Variants in EBF2 observed in about 807,000 individuals in gnomAD.
EBF2 encodes the protein transcription factor COE2.
Under a neutral mutation model 72.8 loss-of-function variants are expected in EBF2, and 21 were observed. That is an observed-to-expected ratio of 0.29 (90% CI 0.20 to 0.42). The LOEUF (loss-of-function observed/expected upper bound fraction) is 0.42. Among genes scored for constraint, EBF2 ranks in the 10% least tolerant of loss-of-function variants. EBF2 has a pLI of 1.00. For missense variants in EBF2, 637 were observed against 731.2 expected (o/e 0.87, Z 1.49); for synonymous variants, 299 against 274.2 (o/e 1.09, Z -0.89).
At chr8:25,903,383 T>TAGACAGGGGAGGAATAA (rs1451771499) in intron 7 of EBF2, among the ~76,000 whole-genome samples, 3 of 151,952 alleles carry the variant, frequency 2.0e-5, no homozygotes, top group African/African-American at 4.8e-5. Flanking sequence ...GAGGACGGGT[T>TAGACAGGGGAGGAATAA]AGACAGGGGA....
intron 6 of EBF2, among the ~76,000 whole-genome samples, chr8:25,940,853 T>C (rs1195948563): frequency 6.6e-6 from 1 of 152,086 alleles, no homozygotes; most frequent in Non-Finnish European, 1.5e-5. Flanking sequence ...AATATGTATA[T>C]ACAGAGACAG....
At chr8:26,043,364 T>C (rs1236686449) in intron 1 of EBF2, among the ~76,000 whole-genome samples, 2 of 152,248 alleles carry the variant, frequency 1.3e-5, no homozygotes, top group African/African-American at 4.8e-5. Context: ...CCACTAAGTC[T>C]GCTCCTTCCA....
chr8:25,849,286 C>T (rs1276110654), intron 15 of EBF2, among the ~76,000 whole-genome samples: 2 of 152,190 alleles, frequency 1.3e-5, no homozygotes, highest in African/African-American at 2.4e-5. Context: ...CCAGAAGACA[C>T]CATCATCTCC....
At chr8:25,954,305 C>A (rs530694818) in intron 6 of EBF2, among the ~76,000 whole-genome samples, 18 of 152,138 alleles carry the variant, frequency 1.2e-4, no homozygotes, top group Non-Finnish European at 2.4e-4. Context: ...GAGGGCTGCC[C>A]GTTGGTGGCT....
intron 10 of EBF2, among the ~76,000 whole-genome samples, chr8:25,864,528 AT>A: frequency 6.6e-6 from 1 of 151,868 alleles, no homozygotes; most frequent in South Asian, 2.1e-4. Context: ...ACACACACAA[AT>A]GTATATGTAC....
intron 10 of EBF2, among the ~76,000 whole-genome samples, chr8:25,870,589 G>A (rs1802419480): frequency 6.6e-6 from 1 of 152,090 alleles, no homozygotes; most frequent in South Asian, 2.1e-4. Context: ...GAGGTGGGAT[G>A]GAGATGAGTT....
At chr8:26,041,080 A>C in intron 2 of EBF2, 78 bp from the exon 3 acceptor site, 1 of 1,509,056 alleles carries the variant, frequency 6.6e-7, no homozygotes, top group Non-Finnish European at 9.1e-7. Flanking sequence ...GTGAATCCCC[A>C]CCTCACATCC....
chr8:25,881,000 G>A (rs567157086), intron 10 of EBF2, among the ~76,000 whole-genome samples: 4 of 151,952 alleles, frequency 2.6e-5, no homozygotes, highest in African/African-American at 9.7e-5. Flanking sequence ...CAATCATCAA[G>A]TTGTGTCAAT....
intron 6 of EBF2, among the ~76,000 whole-genome samples, chr8:26,011,113 T>C (rs1237616871): frequency 6.6e-6 from 1 of 152,194 alleles, no homozygotes; most frequent in Non-Finnish European, 1.5e-5. Context: ...AGCTTAGCAC[T>C]TTATGGATAA....
intron 6 of EBF2, among the ~76,000 whole-genome samples, chr8:26,012,813 C>A (rs1805047689): frequency 6.6e-6 from 1 of 152,196 alleles, no homozygotes. Context: ...CAGCCCCATA[C>A]CGTTGACCTT....
chr8:25,898,775 AT>A (rs1224603585), intron 7 of EBF2, among the ~76,000 whole-genome samples: 1 of 152,180 alleles, frequency 6.6e-6, no homozygotes, highest in Non-Finnish European at 1.5e-5. Context: ...CCTGTGGCCT[AT>A]CAAAAATCAG....
intron 6 of EBF2, among the ~76,000 whole-genome samples, chr8:26,010,189 C>T (rs982336691): frequency 6.6e-6 from 1 of 152,082 alleles, no homozygotes; most frequent in African/African-American, 2.4e-5. Flanking sequence ...ATTGTCTGGC[C>T]GTGGCATTTT....
At position 25,932,055 on chromosome 8, in the gene EBF2, T is replaced by C. The variant is rs140093933; in HGVS notation, c.552-23500A>G. ...ATCTGGGTGAGGCTTCCCTGCTCTG[T>C]CTTCTGCCATATTGAGAAGCCACCA... On this transcript the variant is annotated intron_variant, in intron 6 of 15. Coordinates refer to ENST00000520164, the MANE Select transcript of EBF2 (RefSeq NM_022659.4). 6.9e-3 allele frequency among the ~76,000 whole-genome samples: 1,051 copies of C among 152,240 alleles called. 3 individuals carry two copies. The highest frequency in any genetic ancestry group is 0.011 in the Non-Finnish European group (765 of 68,012).
intron 6 of EBF2, among the ~76,000 whole-genome samples, chr8:25,914,819 C>G (rs760926665): frequency 1.1e-4 from 17 of 152,142 alleles, no homozygotes; most frequent in Non-Finnish European, 1.9e-4. Flanking sequence ...AACACATGAA[C>G]AGAAGAGGTA....
chr8:25,925,966 T>C (rs1803379504), intron 6 of EBF2, among the ~76,000 whole-genome samples: 2 of 152,178 alleles, frequency 1.3e-5, no homozygotes, highest in Admixed American at 1.3e-4. Context: ...GTGCGACTGA[T>C]ATGTGCAGGT....
At chr8:25,872,429 C>T (rs915019273) in intron 10 of EBF2, among the ~76,000 whole-genome samples, 3 of 152,046 alleles carry the variant, frequency 2.0e-5, no homozygotes, top group African/African-American at 7.2e-5. Context: ...CCTAGGATTA[C>T]CATGGAATCT....
intron 6 of EBF2, among the ~76,000 whole-genome samples, chr8:25,986,007 A>AAAAAAAAAAAAAAAAG (rs1804447182): frequency 7.0e-6 from 1 of 142,738 alleles, no homozygotes; most frequent in African/African-American, 2.8e-5. Context: ...GTCTCAAAAA[A>AAAAAAAAAAAAAAAAG]AAAAAAAAAA....
chr8:25,895,520 T>C (rs937172236), intron 7 of EBF2, among the ~76,000 whole-genome samples: 6 of 152,230 alleles, frequency 3.9e-5, no homozygotes, highest in Non-Finnish European at 5.9e-5. Flanking sequence ...TATCTTCCCA[T>C]GAAAAATACA....
At chr8:25,922,259 A>AAC (rs1803317319) in intron 6 of EBF2, among the ~76,000 whole-genome samples, 1 of 151,900 alleles carries the variant, frequency 6.6e-6, no homozygotes, top group African/African-American at 2.4e-5. Context: ...TTAAAAAAAA[A>AAC]AAACAAACAA....
Sources: gnomAD v4.1 joint callset for allele counts (sites outside exome capture counted in the v4.1 genomes callset) on GRCh38, gnomAD v4.1.1 for gene constraint, MANE v1.5 for transcripts, NCBI Gene and HGNC (gene_info 2026-07-23, HGNC 2026-07-21) for gene names.